SDK1: variants seen among roughly 807,000 people sequenced by gnomAD.
SDK1 encodes protein sidekick-1.
SDK1 carries 157 observed loss-of-function variants against 245.5 expected under a neutral mutation model. That is an observed-to-expected ratio of 0.64 (90% CI 0.56 to 0.73). The LOEUF (loss-of-function observed/expected upper bound fraction) is 0.73. Ranked by LOEUF, SDK1 falls within the 30% of genes least tolerant of loss-of-function variation. The probability of loss-of-function intolerance (pLI) is 0.00; values close to 1 mark genes in which losing one functional copy is unlikely to be tolerated. For missense variants in SDK1, 3,583 were observed against 3,002.3 expected (o/e 1.19, Z -4.52); for synonymous variants, 1,647 against 1,278.5 (o/e 1.29, Z -6.15).
chr7:4,037,944 G>C (rs949851503), intron 17 of SDK1, among the ~76,000 whole-genome samples: 1 of 152,106 alleles, frequency 6.6e-6, no homozygotes, highest in Non-Finnish European at 1.5e-5. Context: ...TGTAAGCTTT[G>C]ACCATTTCAT....
At chr7:3,996,570 T>C (rs1479995212) in intron 14 of SDK1, among the ~76,000 whole-genome samples, 7 of 152,220 alleles carry the variant, frequency 4.6e-5, no homozygotes, top group Non-Finnish European at 8.8e-5. Flanking sequence ...GTATACTTTT[T>C]TGTCAAGGTT....
At chr7:4,094,761 C>T (rs1782040061) in intron 22 of SDK1, among the ~76,000 whole-genome samples, 1 of 152,138 alleles carries the variant, frequency 6.6e-6, no homozygotes, top group Non-Finnish European at 1.5e-5. Context: ...GGCACCAGGC[C>T]AGGAGAATCG....
chr7:4,232,402 CTTTTCTTTCT>C (rs1349721555), intron 40 of SDK1, among the ~76,000 whole-genome samples: 83 of 65,068 alleles, frequency 1.3e-3, no homozygotes, highest in African/African-American at 5.0e-3. Context: ...CTTTTCTTTT[CTTTTCTTTCT>C]TTTTTTTTTT....
intron 1 of SDK1, among the ~76,000 whole-genome samples, chr7:3,337,351 A>G (rs1025397751): frequency 6.6e-6 from 1 of 152,082 alleles, no homozygotes; most frequent in Non-Finnish European, 1.5e-5. Flanking sequence ...AATCTGCCCA[A>G]TGTGAAAAAA....
chr7:3,416,856 G>C (rs1316743106), intron 1 of SDK1, among the ~76,000 whole-genome samples: 1 of 152,050 alleles, frequency 6.6e-6, no homozygotes, highest in Non-Finnish European at 1.5e-5. Flanking sequence ...TGCCCAGTTG[G>C]TTAGAACCTA....
intron 5 of SDK1, among the ~76,000 whole-genome samples, chr7:3,905,223 C>T (rs1354485229): frequency 2.6e-5 from 4 of 151,812 alleles, no homozygotes; most frequent in Non-Finnish European, 4.4e-5. Context: ...TGTTATACCA[C>T]GGTTTATTCT....
intron 42 of SDK1, among the ~76,000 whole-genome samples, chr7:4,241,432 C>T (rs758755668): frequency 1.2e-4 from 18 of 152,096 alleles, no homozygotes; most frequent in Non-Finnish European, 1.2e-4. Context: ...CCCAGGAACT[C>T]GAAACCAGCC....
intron 1 of SDK1, among the ~76,000 whole-genome samples, chr7:3,439,127 A>G (rs1182279126): frequency 6.6e-6 from 1 of 152,184 alleles, no homozygotes; most frequent in African/African-American, 2.4e-5. Flanking sequence ...TGCTGGGATT[A>G]CAGGTGTGAA....
rs146500449 is a variant in SDK1 at position 3,344,978 on chromosome 7, A to T, written c.298+43094A>T. 7.8e-4 allele frequency among the ~76,000 whole-genome samples: 119 copies of T among 152,348 alleles called. 2 individuals carry two copies. The highest frequency in any genetic ancestry group is 2.8e-3 in the African/African-American group (115 of 41,580). Reference sequence around the variant, plus strand: ...CAGGGTAGTGCTTTGGGGACAACTTATGTAAAAATCTGAATAGTACCCATC... The same window carrying T: ...CAGGGTAGTGCTTTGGGGACAACTTTTGTAAAAATCTGAATAGTACCCATC... On this transcript the variant is annotated intron_variant, in intron 1 of 44. Coordinates refer to ENST00000404826, the MANE Select transcript of SDK1 (RefSeq NM_152744.4).
chr7:4,175,460 AGAAAAGGT>A (rs1421331241), intron 33 of SDK1, among the ~76,000 whole-genome samples: 1 of 152,200 alleles, frequency 6.6e-6, no homozygotes, highest in African/African-American at 2.4e-5. Context: ...GGTGACCGGG[AGAAAAGGT>A]GTCCTGCCAC....
chr7:3,403,197 G>C (rs1378515116), intron 1 of SDK1, among the ~76,000 whole-genome samples: 2 of 152,118 alleles, frequency 1.3e-5, no homozygotes, highest in African/African-American at 4.8e-5. Flanking sequence ...GCCTCCCAAA[G>C]TGTTGGGATT....
At chr7:3,488,394 A>G (rs1781768779) in intron 1 of SDK1, among the ~76,000 whole-genome samples, 1 of 152,074 alleles carries the variant, frequency 6.6e-6, no homozygotes, top group Admixed American at 6.5e-5. Context: ...ACACGATTTA[A>G]TATTAGTGGA....
At chr7:3,347,186 T>C (rs1195004335) in intron 1 of SDK1, among the ~76,000 whole-genome samples, 1 of 151,962 alleles carries the variant, frequency 6.6e-6, no homozygotes, top group Admixed American at 6.6e-5. Flanking sequence ...TGATGCCACT[T>C]CTTCCAAGAA....
intron 4 of SDK1, among the ~76,000 whole-genome samples, chr7:3,783,546 A>C (rs954983136): frequency 3.3e-5 from 5 of 152,168 alleles, no homozygotes; most frequent in African/African-American, 7.2e-5. Flanking sequence ...CAACACACAA[A>C]AATCAGTGGC....
At chr7:3,452,526 A>C (rs1780548066) in intron 1 of SDK1, among the ~76,000 whole-genome samples, 1 of 152,232 alleles carries the variant, frequency 6.6e-6, no homozygotes, top group South Asian at 2.1e-4. Flanking sequence ...TTAATAACAA[A>C]TCAAAACCTT....
At chr7:3,830,337 C>T (rs17259924) in intron 5 of SDK1, among the ~76,000 whole-genome samples, 21,675 of 152,166 alleles carry the variant, frequency 0.14, 1,681 homozygotes, top group Middle Eastern at 0.31. Flanking sequence ...ACAAACTCCT[C>T]CACATAGCTC....
intron 4 of SDK1, among the ~76,000 whole-genome samples, chr7:3,679,454 G>A (rs548212935): frequency 6.6e-6 from 1 of 152,054 alleles, no homozygotes; most frequent in Non-Finnish European, 1.5e-5. Flanking sequence ...GTAGTCCCAG[G>A]TACTCGGGAG....
intron 38 of SDK1, among the ~76,000 whole-genome samples, chr7:4,214,625 C>T (rs1168202856): frequency 6.6e-6 from 1 of 152,046 alleles, no homozygotes; most frequent in Non-Finnish European, 1.5e-5. Flanking sequence ...CCCCGGGTGT[C>T]AGGAAGAACA....
intron 23 of SDK1, among the ~76,000 whole-genome samples, chr7:4,111,454 A>G (rs1329932217): frequency 1.3e-5 from 2 of 152,192 alleles, no homozygotes; most frequent in African/African-American, 4.8e-5. Flanking sequence ...GGAATTAGTA[A>G]TTCAGGGACT....
Sources: gnomAD v4.1 joint callset for allele counts (sites outside exome capture counted in the v4.1 genomes callset) on GRCh38, gnomAD v4.1.1 for gene constraint, MANE v1.5 for transcripts, NCBI Gene and HGNC (gene_info 2026-07-23, HGNC 2026-07-21) for gene names.